Variants in PEBP4 observed in about 807,000 individuals in gnomAD.
PEBP4 encodes phosphatidylethanolamine binding protein 4, also known as phosphatidylethanolamine-binding protein 4.
Under a neutral mutation model 23.9 loss-of-function variants are expected in PEBP4, and 22 were observed. The ratio of observed to expected loss-of-function variants is 0.92; its 90% CI spans 0.66 to 1.31. The LOEUF is 1.31. Ranked by LOEUF, PEBP4 falls within the 40% of genes most tolerant of loss-of-function variation. PEBP4 has a pLI of 0.00. For synonymous variants in PEBP4, 112 were observed against 99.3 expected (o/e 1.13, Z -0.76); for missense variants, 324 against 281.7 (o/e 1.15, Z -1.07).
chr8:22,851,688 C>T (rs961417323), intron 3 of PEBP4, among the ~76,000 whole-genome samples: 1 of 152,096 alleles, frequency 6.6e-6, no homozygotes, highest in African/African-American at 2.4e-5. Context: ...ATCAGAATCC[C>T]ATTACCCATA....
chr8:22,894,066 T>C (rs1328886216), intron 3 of PEBP4, among the ~76,000 whole-genome samples: 1 of 152,182 alleles, frequency 6.6e-6, no homozygotes, highest in East Asian at 1.9e-4. Context: ...TTAGCAAATG[T>C]GTCACTGGCA....
intron 3 of PEBP4, among the ~76,000 whole-genome samples, chr8:22,840,727 C>T (rs185103110): frequency 3.5e-4 from 53 of 152,298 alleles, no homozygotes; most frequent in African/African-American, 1.2e-3. Context: ...CTAGTTACAT[C>T]GCACTGGCTT....
At chr8:22,817,579 T>G (rs1250856941) in intron 4 of PEBP4, 58 bp downstream of exon 4, 5 of 1,500,566 alleles carry the variant, frequency 3.3e-6, no homozygotes, top group South Asian at 2.3e-5. Context: ...CTGCACTGAA[T>G]GATAATCTTC....
At chr8:22,837,510 C>G (rs1045917111) in intron 3 of PEBP4, among the ~76,000 whole-genome samples, 6 of 152,194 alleles carry the variant, frequency 3.9e-5, no homozygotes, top group African/African-American at 1.4e-4. Flanking sequence ...GACTTAGGCC[C>G]TAAATATAAA....
intron 3 of PEBP4, among the ~76,000 whole-genome samples, 154 bp from the exon 4 acceptor site, chr8:22,817,889 C>G (rs548668776): frequency 2.6e-5 from 4 of 152,340 alleles, no homozygotes; most frequent in Admixed American, 2.6e-4. Context: ...TGACATCCCT[C>G]TCACATCACG....
Position 22,754,591 on chromosome 8 carries a change from G to A in PEBP4, c.358-27371C>T, listed in dbSNP as rs533597812. On this transcript the variant is annotated intron_variant, in intron 4 of 6. Transcript: ENST00000256404. ...TGCTCTTTTCAGGGAGCAAAGCAGAGAGGAAAGGCTCATTCTAGAAACTGC... is the reference window on the plus strand; with the variant it reads ...TGCTCTTTTCAGGGAGCAAAGCAGAAAGGAAAGGCTCATTCTAGAAACTGC... Among the ~76,000 whole-genome samples the A allele has an allele frequency of 1.1e-4, 17 of 152,340 alleles. 2 individuals carry two copies. Among genetic ancestry groups the A allele is most frequent in the African/African-American group, 3.8e-4 (16 of 41,572 alleles).
chr8:22,819,751 C>A (rs946570225), intron 3 of PEBP4, among the ~76,000 whole-genome samples: 2 of 152,064 alleles, frequency 1.3e-5, no homozygotes, highest in Non-Finnish European at 2.9e-5. Context: ...GGACTACAGG[C>A]GCCCGCCACC....
chr8:22,809,956 A>T (rs1376292476), intron 4 of PEBP4, among the ~76,000 whole-genome samples: 3 of 152,228 alleles, frequency 2.0e-5, no homozygotes, highest in Non-Finnish European at 4.4e-5. Flanking sequence ...CCCATGGATA[A>T]TTACTGTCAT....
intron 4 of PEBP4, among the ~76,000 whole-genome samples, chr8:22,773,366 T>C (rs1021162976): frequency 2.0e-5 from 3 of 152,064 alleles, no homozygotes; most frequent in Non-Finnish European, 4.4e-5. Context: ...TTCAATATGG[T>C]GGACAGGCCA....
intron 4 of PEBP4, among the ~76,000 whole-genome samples, chr8:22,784,727 G>A (rs1277949262): frequency 6.6e-6 from 1 of 152,178 alleles, no homozygotes; most frequent in African/African-American, 2.4e-5. Context: ...TGAAACAGAA[G>A]CATCCAGGAA....
chr8:22,844,902 G>A (rs1585303319), intron 3 of PEBP4, among the ~76,000 whole-genome samples: 1 of 152,314 alleles, frequency 6.6e-6, no homozygotes, highest in Admixed American at 6.5e-5. Flanking sequence ...TGTATGCCCT[G>A]GCACAAGGAA....
chr8:22,889,999 C>T (rs1808460280), intron 3 of PEBP4, among the ~76,000 whole-genome samples: 1 of 152,124 alleles, frequency 6.6e-6, no homozygotes, highest in Non-Finnish European at 1.5e-5. Flanking sequence ...CTGAGCAAGC[C>T]GCTGAGCACC....
At chr8:22,810,669 G>GGGGT (rs1360400547) in intron 4 of PEBP4, among the ~76,000 whole-genome samples, 11 of 129,200 alleles carry the variant, frequency 8.5e-5, no homozygotes, top group South Asian at 2.7e-4. Flanking sequence ...CTCATGGAGG[G>GGGGT]GTGTGTGTGT....
At chr8:22,833,716 G>C (rs573891062) in intron 3 of PEBP4, among the ~76,000 whole-genome samples, 3 of 152,164 alleles carry the variant, frequency 2.0e-5, no homozygotes, top group Non-Finnish European at 4.4e-5. Context: ...CGTGATTAGT[G>C]GAGAGCCATT....
Position 22,713,598 on chromosome 8 carries a change from A to G in PEBP4, c.518-62T>C. 3 of 1,610,458 alleles carry G rather than the reference A, an allele frequency of 1.9e-6. No homozygotes were observed. The Admixed American group carries it at 5.0e-5, about 27-fold the overall frequency. On this transcript the variant is annotated intron_variant, in intron 6 of 6. Coordinates refer to ENST00000256404, the MANE Select transcript of PEBP4 (RefSeq NM_144962.3). ...AAGAGCCATGGACTTGAAAGCTGGC[A>G]GGGGCCTGAGAGGGAGGCCGGCTCG...
intron 3 of PEBP4, among the ~76,000 whole-genome samples, chr8:22,838,449 CCT>C (rs1284141299): frequency 6.6e-6 from 1 of 152,166 alleles, no homozygotes; most frequent in African/African-American, 2.4e-5. Context: ...TGCTAAGGAG[CCT>C]GCACCTTGGC....
intron 4 of PEBP4, among the ~76,000 whole-genome samples, chr8:22,755,270 G>T (rs1805354541): frequency 6.6e-6 from 1 of 151,354 alleles, no homozygotes; most frequent in African/African-American, 2.4e-5. Context: ...AGGCAGGAAG[G>T]AAGAGCTGAA....
chr8:22,918,998 G>C (rs757360484), intron 3 of PEBP4, among the ~76,000 whole-genome samples: 2 of 152,102 alleles, frequency 1.3e-5, no homozygotes, highest in Admixed American at 1.3e-4. Context: ...TGTTTGTCGT[G>C]TTTGCAAACA....
At chr8:22,937,118 T>C (rs1809551925) in intron 1 of PEBP4, among the ~76,000 whole-genome samples, 1 of 152,146 alleles carries the variant, frequency 6.6e-6, no homozygotes, top group South Asian at 2.1e-4. Context: ...AGAAAAGAAA[T>C]AAAAGGCATC....
Sources: allele counts gnomAD v4.1 joint callset (sites outside exome capture counted in the v4.1 genomes callset), GRCh38; gene constraint gnomAD v4.1.1; transcripts MANE v1.5; gene names NCBI Gene and HGNC (gene_info 2026-07-23, HGNC 2026-07-21).